SPAG16: variants seen among roughly 807,000 people sequenced by gnomAD.
SPAG16 encodes the protein sperm-associated antigen 16 protein.
SPAG16 carries 86 observed loss-of-function variants against 80.4 expected under a neutral mutation model. The observed-to-expected ratio is 1.07, with a 90% CI of 0.90 to 1.28. The LOEUF is 1.28. Among genes scored for constraint, SPAG16 ranks in the 50% most tolerant of loss-of-function variants. SPAG16 has a pLI of 0.00. For synonymous variants in SPAG16, 294 were observed against 265.9 expected (o/e 1.11, Z -1.03); for missense variants, 870 against 765.3 (o/e 1.14, Z -1.61).
intron 10 of SPAG16, among the ~76,000 whole-genome samples, chr2:213,810,607 T>C (rs1486657232): frequency 6.6e-6 from 1 of 152,010 alleles, no homozygotes; most frequent in Non-Finnish European, 1.5e-5. Flanking sequence ...AATTTGAAGA[T>C]ATAGAGGACA....
intron 15 of SPAG16, among the ~76,000 whole-genome samples, chr2:214,165,528 GT>G (rs2056619155): frequency 1.4e-5 from 1 of 72,986 alleles, no homozygotes; most frequent in Non-Finnish European, 2.6e-5. Flanking sequence ...CATCCAGTTT[GT>G]TTTAAGACAG....
rs78349079 is a variant in SPAG16 at position 213,327,312 on chromosome 2, A to G, written c.536+9956A>G. On this transcript the variant is annotated intron_variant, in intron 5 of 15. Transcript: ENST00000331683. ...TTTATTAAGCAGATGGGCAGCAGGA[A>G]GGTCATAATAGGAGAAGCACCACCA... Among the ~76,000 whole-genome samples, 1,211 of 152,120 alleles carry G rather than the reference A, an allele frequency of 8.0e-3. 15 individuals are homozygous for G. The highest frequency in any genetic ancestry group is 0.028 in the African/African-American group (1,163 of 41,548).
At position 214,310,873 on chromosome 2, in the gene SPAG16, G is replaced by A. The variant is rs145418435; in HGVS notation, c.1721-99267G>A. On this transcript the variant is annotated intron_variant, in intron 15 of 15. Transcript: ENST00000331683. ...CAAACAGATGACTCTGCAGTTAGTT[G>A]GTTTACACTGTTTTGCAGTGATGCT... Among the ~76,000 whole-genome samples, 758 of 152,254 alleles carry A rather than the reference G, an allele frequency of 5.0e-3. 5 individuals carry two copies. The highest frequency in any genetic ancestry group is 0.017 in the African/African-American group (713 of 41,532).
At chr2:214,086,052 G>T (rs1037363992) in intron 13 of SPAG16, among the ~76,000 whole-genome samples, 2 of 152,076 alleles carry the variant, frequency 1.3e-5, no homozygotes, top group African/African-American at 2.4e-5. Context: ...ATATGTGATT[G>T]TTTCTTTATG....
In SPAG16 at chr2:213,489,972, T is replaced by A. The variant is rs369037420; in HGVS notation, c.952T>A (p.Phe318Ile). ...TAATTTTTTTCTCTAGGATTCAGAA[T>A]TTCCCATAGATATGCAACCAAATCC... ...KMKGNTKDSEFPIDMQPNPNL... is the reference protein window; with the variant it reads ...KMKGNTKDSEIPIDMQPNPNL... Residue 318 changes from phenylalanine to isoleucine, a missense_variant, in exon 10 of 16, where the codon TTT (phenylalanine) becomes ATT (isoleucine). By Grantham distance (21) the Phe-to-Ile change is conservative (BLOSUM62 0). Transcript: ENST00000331683. 8 of 1,601,800 alleles carry A rather than the reference T, an allele frequency of 5.0e-6. No homozygotes were observed. Among genetic ancestry groups the A allele is most frequent in the African/African-American group, 2.7e-5 (2 of 74,192 alleles).
chr2:213,350,432 CA>C (rs1194535322), intron 6 of SPAG16, 95 bp from the exon 7 acceptor site: 4 of 612,880 alleles, frequency 6.5e-6, no homozygotes, highest in South Asian at 3.3e-5. Context: ...TATTTCACAG[CA>C]AAAAAGAAAA....
At chr2:213,403,193 T>TC (rs2068421041) in intron 9 of SPAG16, among the ~76,000 whole-genome samples, 2 of 152,214 alleles carry the variant, frequency 1.3e-5, no homozygotes, top group Admixed American at 1.3e-4. Flanking sequence ...GATGAGCATT[T>TC]TTCATGTGTT....
intron 10 of SPAG16, among the ~76,000 whole-genome samples, chr2:213,499,421 G>T (rs977313168): frequency 1.3e-4 from 20 of 152,188 alleles, no homozygotes; most frequent in East Asian, 3.9e-4. Flanking sequence ...ATCATATCTT[G>T]TCACTATGAA....
intron 15 of SPAG16, among the ~76,000 whole-genome samples, chr2:214,244,140 C>A (rs1689679210): frequency 6.6e-6 from 1 of 151,718 alleles, no homozygotes; most frequent in Non-Finnish European, 1.5e-5. Context: ...AAAGGAATGC[C>A]TTCAAATTAT....
At chr2:214,201,519 G>A (rs891590991) in intron 15 of SPAG16, among the ~76,000 whole-genome samples, 7 of 152,144 alleles carry the variant, frequency 4.6e-5, no homozygotes, top group Non-Finnish European at 1.0e-4. Context: ...GAAAGAATAA[G>A]TAGCCATATA....
rs1431697309 is a variant in SPAG16, at chr2:213,664,298, G to T, written c.1070+174208G>T. Among the ~76,000 whole-genome samples the T allele has an allele frequency of 6.6e-5, 10 of 152,132 alleles. 3 individuals are homozygous for T. The highest frequency in any genetic ancestry group is 6.5e-4 in the Admixed American group (10 of 15,268). Reference sequence around the variant, plus strand: ...CACATCTGAAAGTCACTTGTGTCATGTAAGGTAACATTATTTATAGGTTCC... The same window carrying T: ...CACATCTGAAAGTCACTTGTGTCATTTAAGGTAACATTATTTATAGGTTCC... On this transcript the variant is annotated intron_variant, in intron 10 of 15. Coordinates refer to ENST00000331683, the MANE Select transcript of SPAG16 (RefSeq NM_024532.5).
At chr2:213,402,140 A>C (rs1010964233) in intron 9 of SPAG16, among the ~76,000 whole-genome samples, 4 of 151,860 alleles carry the variant, frequency 2.6e-5, no homozygotes, top group African/African-American at 9.7e-5. Context: ...TTTTTTGCCC[A>C]AGTTTCGTCA....
intron 12 of SPAG16, among the ~76,000 whole-genome samples, chr2:213,951,806 C>A (rs2079796409): frequency 6.6e-6 from 1 of 151,980 alleles, no homozygotes; most frequent in Non-Finnish European, 1.5e-5. Context: ...TTTCAAATAG[C>A]CAAGCAAAAG....
intron 15 of SPAG16, among the ~76,000 whole-genome samples, chr2:214,288,390 T>C (rs1353805158): frequency 6.6e-6 from 1 of 152,228 alleles, no homozygotes; most frequent in Admixed American, 6.5e-5. Context: ...GACATGCAAG[T>C]GCAGGTAGGT....
chr2:213,378,325 A>T, intron 9 of SPAG16, among the ~76,000 whole-genome samples: 1 of 152,226 alleles, frequency 6.6e-6, no homozygotes, highest in East Asian at 1.9e-4. Context: ...TGACAGTATT[A>T]ACCATCACAA....
At chr2:214,025,557 C>A (rs986226009) in intron 13 of SPAG16, among the ~76,000 whole-genome samples, 1 of 151,406 alleles carries the variant, frequency 6.6e-6, no homozygotes, top group African/African-American at 2.4e-5. Context: ...TTTTAGATAC[C>A]GTTGATGAAA....
intron 10 of SPAG16, among the ~76,000 whole-genome samples, chr2:213,831,075 T>A (rs1017337626): frequency 6.8e-6 from 1 of 146,574 alleles, no homozygotes; most frequent in Admixed American, 6.9e-5. Context: ...AGTCTTGCTC[T>A]GTCCCCCAGG....
At chr2:214,235,573 C>T (rs1689020201) in intron 15 of SPAG16, among the ~76,000 whole-genome samples, 1 of 152,076 alleles carries the variant, frequency 6.6e-6, no homozygotes, top group African/African-American at 2.4e-5. Context: ...TTAATAGTTA[C>T]ATATTGAGAA....
intron 15 of SPAG16, among the ~76,000 whole-genome samples, chr2:214,195,444 A>G (rs544726213): frequency 6.6e-6 from 1 of 152,222 alleles, no homozygotes; most frequent in African/African-American, 2.4e-5. Context: ...ACAGGGGGTT[A>G]GCATTAGATA....
Sources: gnomAD v4.1 joint callset for allele counts (sites outside exome capture counted in the v4.1 genomes callset) on GRCh38, gnomAD v4.1.1 for gene constraint, MANE v1.5 for transcripts, NCBI Gene and HGNC (gene_info 2026-07-23, HGNC 2026-07-21) for gene names.